Variants in TUFT1 observed in about 807,000 individuals in gnomAD.
The protein encoded by TUFT1 is tuftelin.
In TUFT1, 43 loss-of-function variants were observed where a neutral mutation model predicts 57.8. The observed-to-expected ratio is 0.74, with a 90% CI of 0.58 to 0.96. The LOEUF is 0.96. Ranked by LOEUF, TUFT1 falls within the 40% of genes least tolerant of loss-of-function variation. The pLI is 0.00. For synonymous variants in TUFT1, 166 were observed against 176.7 expected, an observed-to-expected ratio of 0.94 and a Z score of 0.48; for missense variants, 459 against 489.0, an observed-to-expected ratio of 0.94 and a Z score of 0.58.
At chr1:151,575,753 CT>C (rs973589587) in intron 9 of TUFT1, among the ~76,000 whole-genome samples, 10 of 152,236 alleles carry the variant, frequency 6.6e-5, no homozygotes, top group Admixed American at 6.5e-4. Context: ...TAAGGTGGAC[CT>C]TTTTTAGTTC....
At chr1:151,549,221 A>C (rs933988113) in intron 1 of TUFT1, among the ~76,000 whole-genome samples, 1 of 152,094 alleles carries the variant, frequency 6.6e-6, no homozygotes, top group East Asian at 1.9e-4. Context: ...CCCCTGCCGG[A>C]TATTTTTGGG....
In TUFT1 at chr1:151,544,544, G is replaced by A. The variant is rs555782727; in HGVS notation, c.60+4118G>A. 5.3e-5 allele frequency among the ~76,000 whole-genome samples: 8 copies of A among 152,200 alleles called. No individual in the cohort carries two copies. The South Asian group carries it at 1.7e-3, about 32-fold the overall frequency. On this transcript the variant is annotated intron_variant, in intron 1 of 12. Coordinates refer to ENST00000368849, the MANE Select transcript of TUFT1 (RefSeq NM_020127.3). Reference sequence around the variant, plus strand: ...ACTCCTGACCTCAAATGATCTGCCCGCTTCGGCCTTCCAAAGTACTGGGAT... The same window carrying A: ...ACTCCTGACCTCAAATGATCTGCCCACTTCGGCCTTCCAAAGTACTGGGAT...
chr1:151,549,677 A>G (rs1235940611), intron 1 of TUFT1, among the ~76,000 whole-genome samples: 1 of 152,192 alleles, frequency 6.6e-6, no homozygotes, highest in Non-Finnish European at 1.5e-5. Flanking sequence ...TTGCTCAAGG[A>G]TTAATGGTCA....
rs2102562858 is a variant in TUFT1, at chr1:151,582,539, T to C, written c.*832T>C. On this transcript the variant is annotated 3_prime_UTR_variant, in exon 13 of 13. Coordinates refer to ENST00000368849, the MANE Select transcript of TUFT1 (RefSeq NM_020127.3). ...AAAATCCTCTTTGTATTTATTTTGC[T>C]AAGTTATTGGTGGTTTTGCTTACAT... 4.3e-6 allele frequency: 1 copy of C among 234,390 alleles called. No individual in the cohort carries two copies. The highest frequency in any genetic ancestry group is 2.3e-5 in the African/African-American group (1 of 44,088). The allele number at this position is 234,390 out of a possible 1,614,324, so 14.5% of individuals were successfully genotyped here. A position where few individuals can be genotyped will look rare whatever the true frequency, so the allele number is the denominator to read the frequency against.
intron 7 of TUFT1, among the ~76,000 whole-genome samples, chr1:151,573,907 T>C (rs1009805786): frequency 6.6e-6 from 1 of 152,090 alleles, no homozygotes; most frequent in Admixed American, 6.5e-5. Flanking sequence ...CTCCCTGGGA[T>C]TATTTGCTTT....
chr1:151,561,964 A>G, intron 1 of TUFT1, 127 bp from the exon 2 acceptor site: 2 of 1,474,426 alleles, frequency 1.4e-6, no homozygotes, highest in Non-Finnish European at 1.9e-6. Flanking sequence ...CAGTTTTCCT[A>G]GTCTGTGAAG....
chr1:151,545,140 A>G lies in TUFT1; in HGVS notation c.60+4714A>G, dbSNP rs140885843. ...AGCCTGACCAACATGGCAAAACCCC[A>G]TCTCTACTAAAAATACAAAATTAGC... On this transcript the variant is annotated intron_variant, in intron 1 of 12. Transcript: ENST00000368849. Among the ~76,000 whole-genome samples, 1,501 of 152,062 alleles carry G rather than the reference A, an allele frequency of 9.9e-3. 32 individuals are homozygous for G. The highest frequency in any genetic ancestry group is 0.035 in the African/African-American group (1,449 of 41,442).
intron 5 of TUFT1, chr1:151,565,776 A>T (rs929475380): frequency 1.3e-5 from 2 of 158,784 alleles, no homozygotes; most frequent in Admixed American, 1.2e-4. Flanking sequence ...AGGCAGCTGC[A>T]TGTATTCCCT....
chr1:151,567,057 T>C (rs1666108165), intron 6 of TUFT1, among the ~76,000 whole-genome samples: 1 of 152,060 alleles, frequency 6.6e-6, no homozygotes, highest in Non-Finnish European at 1.5e-5. Context: ...TAGCTGGGAC[T>C]ATAGGGCACG....
At chr1:151,562,544 ATCTCTCTC>A (rs34211422) in intron 2 of TUFT1, 33 bp from the exon 3 acceptor site, 24 of 1,397,956 alleles carry the variant, frequency 1.7e-5, no homozygotes, top group African/African-American at 1.3e-4. Flanking sequence ...TGTCTGAGCC[ATCTCTCTC>A]TCTCTCTCTC....
rs753241609 is a variant in TUFT1 at position 151,574,932 on chromosome 1, A to G, written c.745A>G (p.Lys249Glu). 5 of 1,575,490 alleles carry G rather than the reference A, an allele frequency of 3.2e-6. No individual in the cohort carries two copies. In the African/African-American group the frequency reaches 6.7e-5, roughly 21 times the overall value. Residue 249 changes from lysine (K) to glutamate (E), a missense_variant, in exon 9 of 13, where the codon AAA becomes GAA. Coordinates refer to ENST00000368849, the MANE Select transcript of TUFT1 (RefSeq NM_020127.3). ...CCAGGAGCATCAGGCCTTACTGGCGAAAGTGAGGGAAGGGGAGGTGGCCCT... is the reference window on the plus strand; with the variant it reads ...CCAGGAGCATCAGGCCTTACTGGCGGAAGTGAGGGAAGGGGAGGTGGCCCT... The part of the protein sequence containing the change: ...METEHQALLA[K>E]VREGEVALEE...
At chr1:151,576,239 G>C (rs1203546057) in intron 9 of TUFT1, among the ~76,000 whole-genome samples, 1 of 152,070 alleles carries the variant, frequency 6.6e-6, no homozygotes, top group Non-Finnish European at 1.5e-5. Flanking sequence ...GCAGAACTGG[G>C]GAGTGATGGA....
intron 9 of TUFT1, among the ~76,000 whole-genome samples, chr1:151,576,476 C>T (rs1183188885): frequency 6.6e-6 from 1 of 152,142 alleles, no homozygotes; most frequent in East Asian, 1.9e-4. Context: ...GCAAGACTGC[C>T]CCTGCTTCAG....
At position 151,574,133 on chromosome 1, in the gene TUFT1, G is replaced by A. The variant is rs1666359851; in HGVS notation, c.595-137G>A. The A allele has an allele frequency of 5.0e-6, 5 of 1,006,158 alleles. 1 individual carries two copies. The South Asian group carries it at 5.2e-5, about 10-fold the overall frequency. 62.3% of individuals were successfully genotyped at this position (1,006,158 alleles called of 1,614,324 possible). A position where few individuals can be genotyped will look rare whatever the true frequency, so the allele number is the denominator to read the frequency against. ...CCTGTGCAGTGAAGGGGAGGTGGTG[G>A]TGAGCCCATCAGTGTCACCACCTTT... On this transcript the variant is annotated intron_variant, in intron 7 of 12. Coordinates refer to ENST00000368849, the MANE Select transcript of TUFT1 (RefSeq NM_020127.3).
chr1:151,570,430 C>T lies in TUFT1; in HGVS notation c.594+660C>T, dbSNP rs750820113. ...CCGAGTAGCTGGTACTACAGGCATG[C>T]GCCACCATGCCCAACTAATTTTTGT... On this transcript the variant is annotated intron_variant, in intron 7 of 12. Transcript: ENST00000368849. 4.6e-5 allele frequency among the ~76,000 whole-genome samples: 7 copies of T among 151,980 alleles called. No individual in the cohort carries two copies. In the East Asian group the frequency reaches 5.8e-4, roughly 13 times the overall value.
chr1:151,545,363 A>C lies in TUFT1; in HGVS notation c.60+4937A>C, dbSNP rs151281984. 1.1e-4 allele frequency among the ~76,000 whole-genome samples: 17 copies of C among 152,364 alleles called. No individual in the cohort carries two copies. In the East Asian group the frequency reaches 3.3e-3, roughly 29 times the overall value. On this transcript the variant is annotated intron_variant, in intron 1 of 12. Coordinates refer to ENST00000368849, the MANE Select transcript of TUFT1 (RefSeq NM_020127.3). Reference sequence around the variant, plus strand: ...TGGGAATCTGACTAAGGTGGGCTCTAATCAGGCTTTGATGTCTGCTTTGCC... The same window carrying C: ...TGGGAATCTGACTAAGGTGGGCTCTCATCAGGCTTTGATGTCTGCTTTGCC...
intron 7 of TUFT1, among the ~76,000 whole-genome samples, chr1:151,573,563 G>C (rs1349583381): frequency 1.3e-5 from 2 of 152,158 alleles, no homozygotes; most frequent in Non-Finnish European, 2.9e-5. Context: ...TGACCAACAT[G>C]GATAAACCCC....
chr1:151,559,879 C>T (rs1309932879), intron 1 of TUFT1, among the ~76,000 whole-genome samples: 5 of 151,878 alleles, frequency 3.3e-5, no homozygotes, highest in Admixed American at 1.3e-4. Flanking sequence ...CTTTAACCTC[C>T]GCCTCCCTGG....
intron 11 of TUFT1, 93 bp downstream of exon 11, chr1:151,579,825 TG>T (rs3833527): frequency 0.64 from 827,554 of 1,283,432 alleles, 274,746 homozygotes; most frequent in Middle Eastern, 0.71. Context: ...GTCTTTGTCA[TG>T]TCTTGCTGTT....
Sources: allele counts gnomAD v4.1 joint callset (sites outside exome capture counted in the v4.1 genomes callset), GRCh38; gene constraint gnomAD v4.1.1; transcripts MANE v1.5; gene names NCBI Gene and HGNC (gene_info 2026-07-23, HGNC 2026-07-21).